PSMA6: variants seen among roughly 807,000 people sequenced by gnomAD.
The protein encoded by PSMA6 is proteasome 20S subunit alpha 6.
For missense variants in PSMA6, 170 were observed against 294.8 expected (o/e 0.58, Z 3.10); for synonymous variants, 88 against 97.7 (o/e 0.90, Z 0.59).
chr14:35,289,695 G>A (rs189813945), upstream of PSMA6, among the ~76,000 whole-genome samples: 1 of 152,080 alleles, frequency 6.6e-6, no homozygotes, highest in Non-Finnish European at 1.5e-5. Context: ...TAAGGCCAAA[G>A]GATCCCTTGA....
In PSMA6 at chr14:35,317,219, C is replaced by T. The variant is rs560633080; in HGVS notation, c.684-30C>T. 1.4e-5 allele frequency: 23 copies of T among 1,597,222 alleles called. 1 individual carries two copies. Among genetic ancestry groups the T allele is most frequent in the African/African-American group, 4.0e-5 (3 of 74,508 alleles). On this transcript the variant is annotated intron_variant, in intron 6 of 6. Transcript: ENST00000261479. ...GTGTTTGAAAAAATTTTTTTTAAATCGTTGTTTTTTTCCCCCTTTTGCCTT... is the reference window on the plus strand; with the variant it reads ...GTGTTTGAAAAAATTTTTTTTAAATTGTTGTTTTTTTCCCCCTTTTGCCTT...
intron 2 of PSMA6, 169 bp downstream of exon 2, chr14:35,308,257 A>AT: frequency 1.3e-6 from 1 of 750,814 alleles, no homozygotes; most frequent in Non-Finnish European, 1.9e-6. Flanking sequence ...CCCTGTCTCT[A>AT]TTAAAAATAC....
upstream of PSMA6, among the ~76,000 whole-genome samples, chr14:35,291,845 A>AAAC (rs1555335877): frequency 3.4e-3 from 504 of 146,466 alleles, 2 homozygotes; most frequent in Middle Eastern, 7.3e-3. Flanking sequence ...AAAAAAAAAA[A>AAAC]AAGACTAAAA....
chr14:35,314,381 T>C lies in PSMA6; in HGVS notation c.609T>C (p.Ser203=). Residue 203 remains serine, a synonymous_variant, in exon 6 of 7, where the codon TCT becomes TCC. Transcript: ENST00000261479. ...TTCAGACTGCAATTACATGCCTGTC[T>C]ACTGTTCTATCAATTGATTTCAAAC... ...QTVETAITCL[S]TVLSIDFKPS... is the part of the protein sequence containing the mutation. 1 of 1,611,260 alleles carries C rather than the reference T, an allele frequency of 6.2e-7. No homozygotes were observed. The highest frequency in any genetic ancestry group is 8.5e-7 in the Non-Finnish European group (1 of 1,178,322).
intron 1 of PSMA6, among the ~76,000 whole-genome samples, chr14:35,279,846 C>T (rs1375371889): frequency 6.6e-6 from 1 of 152,210 alleles, no homozygotes; most frequent in Non-Finnish European, 1.5e-5. Flanking sequence ...CTTTTCGGGC[C>T]GGGCGTGGTG....
At chr14:35,284,197 C>T (rs995411009) in intron 1 of PSMA6, among the ~76,000 whole-genome samples, 1 of 152,160 alleles carries the variant, frequency 6.6e-6, no homozygotes. Flanking sequence ...TTAGGTTAGG[C>T]TATTGCCTAG....
At chr14:35,304,309 C>G (rs1200147870) in intron 1 of PSMA6, among the ~76,000 whole-genome samples, 1 of 152,082 alleles carries the variant, frequency 6.6e-6, no homozygotes, top group Non-Finnish European at 1.5e-5. Context: ...GGAGGATATA[C>G]ATAGGCGATG....
chr14:35,315,984 A>G (rs1447576351), intron 6 of PSMA6: 1 of 152,224 alleles, frequency 6.6e-6, no homozygotes, highest in African/African-American at 2.4e-5. Flanking sequence ...GTTGCACTAA[A>G]AAATGTCCTT....
intron 4 of PSMA6, chr14:35,312,655 A>AT (rs367982943): frequency 1.6e-5 from 7 of 444,156 alleles, no homozygotes; most frequent in Middle Eastern, 3.5e-4. Context: ...TATTCAAACT[A>AT]TTTTTTTTAA....
chr14:35,309,097 T>G, intron 3 of PSMA6, 102 bp downstream of exon 3: 1 of 892,640 alleles, frequency 1.1e-6, no homozygotes, highest in South Asian at 1.7e-5. Context: ...ACTTATTGCC[T>G]GATTTTCAAG....
intron 1 of PSMA6, among the ~76,000 whole-genome samples, chr14:35,305,796 C>G (rs2051813046): frequency 6.6e-6 from 1 of 152,140 alleles, no homozygotes; most frequent in South Asian, 2.1e-4. Flanking sequence ...TTGCTTTTCC[C>G]CTGATTACAA....
At chr14:35,306,774 T>G (rs1011156260) in intron 1 of PSMA6, among the ~76,000 whole-genome samples, 1 of 152,200 alleles carries the variant, frequency 6.6e-6, no homozygotes, top group Non-Finnish European at 1.5e-5. Context: ...TGTAAGCTAC[T>G]ATTTTGATCC....
chr14:35,285,451 T>TACTAAA (rs2051413529), intron 1 of PSMA6, among the ~76,000 whole-genome samples: 2 of 152,096 alleles, frequency 1.3e-5, no homozygotes, highest in South Asian at 4.1e-4. Flanking sequence ...TTGGTCAAAA[T>TACTAAA]GATCAGAAAC....
intron 1 of PSMA6, among the ~76,000 whole-genome samples, chr14:35,295,575 C>T (rs1159349632): frequency 9.2e-5 from 14 of 151,670 alleles, no homozygotes; most frequent in Non-Finnish European, 1.9e-4. Context: ...GCCTCAGCCT[C>T]CCAAGTAGCT....
At chr14:35,288,235 C>A (rs181737645), upstream of PSMA6, among the ~76,000 whole-genome samples, 177 of 152,294 alleles carry the variant, frequency 1.2e-3, 2 homozygotes, top group South Asian at 0.035. Flanking sequence ...TGGTGGCTCA[C>A]GCCTGTAATC....
intron 1 of PSMA6, among the ~76,000 whole-genome samples, chr14:35,283,392 A>C (rs1364486890): frequency 6.6e-6 from 1 of 151,552 alleles, no homozygotes; most frequent in African/African-American, 2.4e-5. Flanking sequence ...AGAGAAAGAG[A>C]AAAAATACTT....
chr14:35,290,947 G>T (rs994828412), upstream of PSMA6, among the ~76,000 whole-genome samples: 3 of 151,886 alleles, frequency 2.0e-5, no homozygotes, highest in African/African-American at 7.3e-5. Flanking sequence ...TTAATCAAGG[G>T]TGCTTAACCT....
Position 35,313,009 on chromosome 14 carries a change from G to GA in PSMA6, c.546dup (p.Val183SerfsTer6). The GA allele has an allele frequency of 1.6e-5, 26 of 1,576,712 alleles. No individual in the cohort carries two copies. The highest frequency in any genetic ancestry group is 1.3e-4 in the Admixed American group (6 of 47,794). On this transcript the variant is annotated frameshift_variant, in exon 5 of 7. Coordinates refer to ENST00000261479, the MANE Select transcript of PSMA6 (RefSeq NM_002791.3). LOFTEE classifies it high-confidence loss of function. ...ACAAACTGAGTCAACCAGCTTCCTT[G>GA]AAAAAAAAGTGAAGAAGAAATTTGA...
chr14:35,297,920 A>G (rs956195627), intron 1 of PSMA6, among the ~76,000 whole-genome samples: 8 of 152,224 alleles, frequency 5.3e-5, no homozygotes, highest in African/African-American at 1.4e-4. Context: ...AAGGAAACAA[A>G]GCAAATAAGA....
Sources: gnomAD v4.1 joint callset for allele counts (sites outside exome capture counted in the v4.1 genomes callset) on GRCh38, gnomAD v4.1.1 for gene constraint, MANE v1.5 for transcripts, NCBI Gene and HGNC (gene_info 2026-07-23, HGNC 2026-07-21) for gene names.